Variants in PTPRD observed in about 807,000 individuals in gnomAD.
The protein encoded by PTPRD is protein tyrosine phosphatase receptor type D.
A neutral mutation model predicts 214.5 loss-of-function variants in PTPRD; 34 were observed. The observed-to-expected ratio is 0.16, with a 90% CI of 0.12 to 0.21. PTPRD has a LOEUF of 0.21. Among genes scored for constraint, PTPRD ranks in the 10% least tolerant of loss-of-function variants. The pLI is 1.00. For synonymous variants in PTPRD, 1,128 were observed against 845.7 expected (o/e 1.33, Z -5.79); for missense variants, 2,545 against 2,398.7 (o/e 1.06, Z -1.27).
chr9:10,472,752 T>C (rs1324222095), intron 2 of PTPRD, among the ~76,000 whole-genome samples: 4 of 152,106 alleles, frequency 2.6e-5, no homozygotes, highest in Non-Finnish European at 4.4e-5. Flanking sequence ...AGAATACTTA[T>C]AACATCCTAG....
intron 4 of PTPRD, among the ~76,000 whole-genome samples, chr9:9,967,437 G>A (rs902704682): frequency 2.9e-4 from 44 of 152,100 alleles, no homozygotes; most frequent in African/African-American, 1.0e-3. Flanking sequence ...TGTCTATTAA[G>A]GATAGTGCAG....
intron 3 of PTPRD, among the ~76,000 whole-genome samples, chr9:10,229,697 G>A (rs573050841): frequency 1.8e-4 from 27 of 147,204 alleles, no homozygotes; most frequent in African/African-American, 6.1e-4. Context: ...CTCCGGGGAT[G>A]GTTGTGGGGT....
At chr9:8,534,505 G>C (rs2076450505) in intron 14 of PTPRD, among the ~76,000 whole-genome samples, 1 of 151,774 alleles carries the variant, frequency 6.6e-6, no homozygotes, top group African/African-American at 2.4e-5. Flanking sequence ...CACAGAACAA[G>C]AGTGATTTCT....
At chr9:8,714,664 T>G (rs2098411329) in intron 12 of PTPRD, among the ~76,000 whole-genome samples, 1 of 152,074 alleles carries the variant, frequency 6.6e-6, no homozygotes, top group Non-Finnish European at 1.5e-5. Flanking sequence ...GGAATACTCC[T>G]CCCCATGGCT....
In PTPRD at chr9:9,816,662, G is replaced by A. The variant is rs746148673; in HGVS notation, c.-367-49811C>T. On this transcript the variant is annotated intron_variant, in intron 5 of 45. Transcript: ENST00000381196. ...GATGGAAAAAGGGAAGACCTTTTGC[G>A]TATTCTGAAGCCTATAAACACGTAG... Among the ~76,000 whole-genome samples, 15 of 152,080 alleles carry A rather than the reference G, an allele frequency of 9.9e-5. 1 individual carries two copies. Among genetic ancestry groups the A allele is most frequent in the East Asian group, 1.9e-4 (1 of 5,172 alleles).
chr9:9,837,028 T>A (rs2056959222), intron 5 of PTPRD, among the ~76,000 whole-genome samples: 1 of 152,040 alleles, frequency 6.6e-6, no homozygotes, highest in South Asian at 2.1e-4. Flanking sequence ...ACTAATTATA[T>A]CCTTATAGGT....
chr9:8,336,483 T>G (rs199521284), intron 43 of PTPRD, among the ~76,000 whole-genome samples: 1 of 140,926 alleles, frequency 7.1e-6, no homozygotes, highest in African/African-American at 2.6e-5. Context: ...TGTAAAATGA[T>G]GAAAACCCCT....
At chr9:9,485,942 G>A (rs2095611414) in intron 8 of PTPRD, among the ~76,000 whole-genome samples, 1 of 151,896 alleles carries the variant, frequency 6.6e-6, no homozygotes, top group Non-Finnish European at 1.5e-5. Flanking sequence ...CATGAAGTCA[G>A]GAGTTTGAGA....
chr9:10,554,135 G>A (rs895202769), intron 2 of PTPRD, among the ~76,000 whole-genome samples: 6 of 152,062 alleles, frequency 3.9e-5, no homozygotes, highest in African/African-American at 1.4e-4. Context: ...TTAATGATGA[G>A]ACCTTTTAGT....
chr9:8,991,091 T>C (rs1288492521), intron 11 of PTPRD, among the ~76,000 whole-genome samples: 6 of 151,644 alleles, frequency 4.0e-5, no homozygotes, highest in Admixed American at 1.3e-4. Context: ...TGTTGGTGCA[T>C]GCCTGTAGTC....
At chr9:9,756,169 T>C (rs975143788) in intron 6 of PTPRD, among the ~76,000 whole-genome samples, 6 of 152,076 alleles carry the variant, frequency 3.9e-5, no homozygotes, top group Admixed American at 3.9e-4. Flanking sequence ...GAAAAAAATA[T>C]TCTGACGAAC....
intron 12 of PTPRD, among the ~76,000 whole-genome samples, chr9:8,670,240 G>T (rs759903934): frequency 2.0e-5 from 3 of 152,102 alleles, no homozygotes; most frequent in African/African-American, 4.8e-5. Context: ...TGGTACATTA[G>T]ATATTTAGAC....
intron 2 of PTPRD, among the ~76,000 whole-genome samples, chr9:10,434,468 A>G (rs1046708637): frequency 4.6e-5 from 7 of 151,900 alleles, no homozygotes; most frequent in Non-Finnish European, 8.8e-5. Flanking sequence ...TTAGCTCTCC[A>G]TCTTATATTT....
intron 11 of PTPRD, among the ~76,000 whole-genome samples, chr9:8,948,717 A>AT (rs1031462091): frequency 4.0e-5 from 6 of 148,438 alleles, no homozygotes; most frequent in African/African-American, 5.0e-5. Context: ...AGGACACGTA[A>AT]TTTTTTTATC....
At chr9:10,249,331 T>C (rs1418239411) in intron 3 of PTPRD, among the ~76,000 whole-genome samples, 1 of 152,182 alleles carries the variant, frequency 6.6e-6, no homozygotes, top group Admixed American at 6.5e-5. Context: ...TCATTGTACT[T>C]GATTTTTTTC....
At chr9:10,001,552 G>A (rs2096314686) in intron 4 of PTPRD, among the ~76,000 whole-genome samples, 1 of 152,126 alleles carries the variant, frequency 6.6e-6, no homozygotes, top group African/African-American at 2.4e-5. Context: ...AAGATTAAAA[G>A]TTGACTTCTC....
intron 3 of PTPRD, among the ~76,000 whole-genome samples, chr9:10,171,781 C>A (rs1452300513): frequency 6.6e-6 from 1 of 152,162 alleles, no homozygotes; most frequent in Admixed American, 6.6e-5. Flanking sequence ...CCGTGGCCTC[C>A]CAAAGTGCTG....
intron 39 of PTPRD, among the ~76,000 whole-genome samples, chr9:8,367,217 T>C (rs1011660591): frequency 9.3e-5 from 14 of 151,074 alleles, no homozygotes; most frequent in Admixed American, 7.9e-4. Flanking sequence ...AAGAGTTGCA[T>C]TCAAATAAGC....
chr9:10,060,937 T>C lies in PTPRD; in HGVS notation c.-544-27147A>G, dbSNP rs143755479. ...CTTTCTTTCTTTCTTTCTTTCTTTCTTTCTTTCTTTCTTTCTCTCTCTTCC... is the reference window on the plus strand; with the variant it reads ...CTTTCTTTCTTTCTTTCTTTCTTTCCTTCTTTCTTTCTTTCTCTCTCTTCC... On this transcript the variant is annotated intron_variant, in intron 3 of 45. Transcript: ENST00000381196. Among the ~76,000 whole-genome samples the C allele has an allele frequency of 1.3e-3, 182 of 136,764 alleles. 25 individuals are homozygous for C. The highest frequency in any genetic ancestry group is 5.7e-3 in the African/African-American group (164 of 29,000). 89.7% of individuals were successfully genotyped at this position (136,764 alleles called of 152,430 possible). A position where few individuals can be genotyped will look rare whatever the true frequency, so the allele number is the denominator to read the frequency against.
Sources: allele counts gnomAD v4.1 joint callset (sites outside exome capture counted in the v4.1 genomes callset), GRCh38; gene constraint gnomAD v4.1.1; transcripts MANE v1.5; gene names NCBI Gene and HGNC (gene_info 2026-07-23, HGNC 2026-07-21).